The following TP63 variants were observed in gnomAD, a reference collection of about 807,000 sequenced individuals.
The protein encoded by TP63 is tumor protein 63.
A neutral mutation model predicts 82.8 loss-of-function variants in TP63; 17 were observed. The ratio of observed to expected loss-of-function variants is 0.21; its 90% CI spans 0.14 to 0.31. The LOEUF is 0.31. Ranked by LOEUF, TP63 falls within the 10% of genes least tolerant of loss-of-function variation. TP63 has a pLI of 1.00. For synonymous variants in TP63, 330 were observed against 321.7 expected, an observed-to-expected ratio of 1.03 and a Z score of -0.28; for missense variants, 648 against 895.3, an observed-to-expected ratio of 0.72 and a Z score of 3.52.
At chr3:189,700,607 G>A (rs1426585053) in intron 1 of TP63, among the ~76,000 whole-genome samples, 1 of 152,178 alleles carries the variant, frequency 6.6e-6, no homozygotes, top group Non-Finnish European at 1.5e-5. Context: ...TTCAGGATCA[G>A]AGATTAATGG....
chr3:189,601,720 T>C, the TP63 span, among the ~76,000 whole-genome samples: 1 of 152,182 alleles, frequency 6.6e-6, no homozygotes, highest in African/African-American at 2.4e-5. Context: ...GTGACTTTCC[T>C]GAGAGCATAT....
At chr3:189,844,650 C>G (rs916461294) in intron 4 of TP63, among the ~76,000 whole-genome samples, 1 of 152,062 alleles carries the variant, frequency 6.6e-6, no homozygotes, top group African/African-American at 2.4e-5. Flanking sequence ...AAATGTTTTT[C>G]AAGTGAGTTT....
In TP63 at chr3:189,895,108, A is replaced by T; in HGVS notation, c.*606A>T. 4.5e-6 allele frequency: 1 copy of T among 221,190 alleles called. No individual in the cohort carries two copies. Among genetic ancestry groups the T allele is most frequent in the East Asian group, 6.6e-5 (1 of 15,044 alleles). 13.7% of individuals were successfully genotyped at this position (221,190 alleles called of 1,614,324 possible). A position where few individuals can be genotyped will look rare whatever the true frequency, so the allele number is the denominator to read the frequency against. On this transcript the variant is annotated 3_prime_UTR_variant, in exon 14 of 14. Coordinates refer to ENST00000264731, the MANE Select transcript of TP63 (RefSeq NM_003722.5). The stretch of plus-strand genomic sequence containing the variant: ...CATGCCACATCAAACCTTTGAGTAG[A>T]TCCATTTCCATTGCTTATTATGTAG...
the TP63 span, among the ~76,000 whole-genome samples, chr3:189,605,498 A>G: frequency 2.6e-5 from 4 of 152,304 alleles, no homozygotes; most frequent in South Asian, 2.1e-4. Context: ...TGGAATTTAC[A>G]TTGCATTATA....
intron 4 of TP63, among the ~76,000 whole-genome samples, chr3:189,811,499 T>C (rs1727567277): frequency 6.6e-6 from 1 of 152,210 alleles, no homozygotes; most frequent in South Asian, 2.1e-4. Flanking sequence ...TCTTCTAAAT[T>C]AGGGCACTTG....
chr3:189,625,772 A>G, the TP63 span, among the ~76,000 whole-genome samples: 16 of 151,972 alleles, frequency 1.1e-4, no homozygotes, highest in Non-Finnish European at 1.9e-4. Flanking sequence ...GTGAGCTTTG[A>G]GCAAAGGAGG....
At chr3:189,621,235 T>C in the TP63 span, among the ~76,000 whole-genome samples, 1 of 152,202 alleles carries the variant, frequency 6.6e-6, no homozygotes, top group African/African-American at 2.4e-5. Flanking sequence ...ATGAATTTTC[T>C]TTCTTTTCCT....
intron 4 of TP63, chr3:189,830,051 G>A: frequency 4.7e-6 from 1 of 213,776 alleles, no homozygotes; most frequent in East Asian, 1.8e-4. Flanking sequence ...CTTGAACACT[G>A]GAAAGAAAGG....
chr3:189,841,728 G>T (rs1163776903), intron 4 of TP63, among the ~76,000 whole-genome samples: 1 of 152,164 alleles, frequency 6.6e-6, no homozygotes, highest in Non-Finnish European at 1.5e-5. Flanking sequence ...CTTCAGTAGA[G>T]ACCAGAGATT....
At chr3:189,699,165 G>A (rs1196715112) in intron 1 of TP63, among the ~76,000 whole-genome samples, 2 of 151,788 alleles carry the variant, frequency 1.3e-5, no homozygotes, top group Non-Finnish European at 2.9e-5. Context: ...AGTGTTCCAC[G>A]CTTACTGCCT....
intron 1 of TP63, among the ~76,000 whole-genome samples, chr3:189,635,968 C>T (rs557098823): frequency 2.4e-4 from 37 of 152,170 alleles, no homozygotes; most frequent in African/African-American, 8.7e-4. Context: ...TAGCCATCTC[C>T]GTAATCACTA....
At chr3:189,658,925 C>G (rs1713631019) in intron 1 of TP63, among the ~76,000 whole-genome samples, 2 of 151,876 alleles carry the variant, frequency 1.3e-5, no homozygotes, top group Admixed American at 6.6e-5. Context: ...TTAATTGTGA[C>G]AAACGTACAT....
chr3:189,618,372 T>A, the TP63 span, among the ~76,000 whole-genome samples: 1 of 152,222 alleles, frequency 6.6e-6, no homozygotes, highest in Admixed American at 6.5e-5. Flanking sequence ...ACCCATTCTT[T>A]CCTTTTCTTA....
chr3:189,838,996 G>T (rs550654212), intron 4 of TP63, among the ~76,000 whole-genome samples: 31 of 135,086 alleles, frequency 2.3e-4, no homozygotes, highest in African/African-American at 7.9e-4. Context: ...AGCATTTGCA[G>T]GTTCACTTTT....
chr3:189,627,067 T>C (rs9849518), upstream of TP63, among the ~76,000 whole-genome samples: 130,244 of 152,046 alleles, frequency 0.86, 56,904 homozygotes, highest in East Asian at 0.95. Flanking sequence ...GGCTACCTGC[T>C]TGAGGTCTGG....
At chr3:189,825,390 ATATCTGCAATCATTCGTGAGTCTACCGAT>A (rs1212554558) in intron 4 of TP63, among the ~76,000 whole-genome samples, 1 of 152,236 alleles carries the variant, frequency 6.6e-6, no homozygotes, top group Non-Finnish European at 1.5e-5. Context: ...AGTATTAGGA[ATATCTGCAATCATTCGTGAGTCTACCGAT>A]TAATCCAGCA....
At chr3:189,870,827 G>A (rs1718331012) in intron 9 of TP63, among the ~76,000 whole-genome samples, 1 of 152,114 alleles carries the variant, frequency 6.6e-6, no homozygotes, top group Non-Finnish European at 1.5e-5. Context: ...CAGCCAAGCA[G>A]GGCCAGGAGA....
At chr3:189,775,869 A>G (rs905745320) in intron 3 of TP63, among the ~76,000 whole-genome samples, 6 of 152,242 alleles carry the variant, frequency 3.9e-5, no homozygotes, top group African/African-American at 1.4e-4. Flanking sequence ...CCCTAGTAAT[A>G]TAAGCCTTGG....
chr3:189,824,834 TAAA>T (rs75963451), intron 4 of TP63, among the ~76,000 whole-genome samples: 14 of 138,718 alleles, frequency 1.0e-4, no homozygotes, highest in Non-Finnish European at 1.4e-4. Context: ...TTTGTAGGTT[TAAA>T]AAAAAAAAAA....
Sources: gnomAD v4.1 joint callset for allele counts (sites outside exome capture counted in the v4.1 genomes callset) on GRCh38, gnomAD v4.1.1 for gene constraint, MANE v1.5 for transcripts, NCBI Gene and HGNC (gene_info 2026-07-23, HGNC 2026-07-21) for gene names.